The following JAKMIP1 variants were observed in gnomAD, a reference collection of about 807,000 sequenced individuals.
The protein encoded by JAKMIP1 is janus kinase and microtubule-interacting protein 1.
Under a neutral mutation model 113.0 loss-of-function variants are expected in JAKMIP1, and 33 were observed. The ratio of observed to expected loss-of-function variants is 0.29; its 90% CI spans 0.22 to 0.39. The LOEUF (loss-of-function observed/expected upper bound fraction) is 0.39, where lower values mean the gene tolerates loss of function less well. Among genes scored for constraint, JAKMIP1 ranks in the 10% least tolerant of loss-of-function variants. JAKMIP1 has a pLI of 1.00. For missense variants in JAKMIP1, 813 were observed against 1,080.5 expected (o/e 0.75, Z 3.47); for synonymous variants, 480 against 459.9 (o/e 1.04, Z -0.56).
In JAKMIP1 at chr4:6,105,550, G is replaced by A. The variant is rs1713777988; in HGVS notation, c.547C>T (p.Leu183=). 6.2e-7 allele frequency: 1 copy of A among 1,605,050 alleles called. No homozygotes were observed. ...TGGTGCGCCTGGTAGGCGGCACGCA[G>A]GTCGGCTGCCTTGGTCTTGTCAGCC... is the stretch of plus-strand genomic sequence containing the variant. The part of the protein sequence containing the change: ...MQADKTKAAD[L]RAAYQAHQDE... Residue 183 remains leucine, a synonymous_variant, in exon 3 of 21, where the codon CTG becomes TTG. Transcript: ENST00000409021.
At position 6,059,504 on chromosome 4, in the gene JAKMIP1, T is replaced by G. The variant is rs1181275751; in HGVS notation, c.1644+920A>C. The stretch of plus-strand genomic sequence containing the variant: ...CCTGGCCTCCTCAGCCCCCCATAGA[T>G]GCCTCTCTGCAGGCAGGGGTGGGGG... On this transcript the variant is annotated intron_variant, in intron 11 of 20. Coordinates refer to ENST00000409021, the MANE Select transcript of JAKMIP1 (RefSeq NM_001099433.2). This position sits in a 1 kb window ranked among gnomAD's most constrained non-coding sequence, Gnocchi z 4.8. Among the ~76,000 whole-genome samples, 1 of 152,108 alleles carries G rather than the reference T, an allele frequency of 6.6e-6. No individual in the cohort carries two copies. Among genetic ancestry groups the G allele is most frequent in the African/African-American group, 2.4e-5 (1 of 41,450 alleles).
At position 6,080,715 on chromosome 4, in the gene JAKMIP1, G is replaced by A. The variant is rs1008028630; in HGVS notation, c.1102-403C>T. ...CCTCCCCAGCCACGTGAAACTGTGA[G>A]TCCATTAAACCTCTTTTTCTTTACA... On this transcript the variant is annotated intron_variant, in intron 6 of 20. Coordinates refer to ENST00000409021, the MANE Select transcript of JAKMIP1 (RefSeq NM_001099433.2). The surrounding 1 kb of genome is among the most constrained non-coding windows in gnomAD (Gnocchi z 6.0). Among the ~76,000 whole-genome samples the A allele has an allele frequency of 6.6e-6, 1 of 152,108 alleles. No homozygotes were observed. Among genetic ancestry groups the A allele is most frequent in the Non-Finnish European group, 1.5e-5 (1 of 68,034 alleles).
chr4:6,140,007 G>C lies in JAKMIP1; in HGVS notation c.-147-27010C>G, dbSNP rs1719877495. Among the ~76,000 whole-genome samples, 1 of 152,086 alleles carries C rather than the reference G, an allele frequency of 6.6e-6. No homozygotes were observed. The highest frequency in any genetic ancestry group is 1.5e-5 in the Non-Finnish European group (1 of 68,020). On this transcript the variant is annotated intron_variant, in intron 1 of 20. Transcript: ENST00000409021. This position sits in a 1 kb window ranked among gnomAD's most constrained non-coding sequence, Gnocchi z 9.4. ...CCCACGCCTGGATCTCAGACTTCCA[G>C]CCTCCAGAACTAAGAGACCATCCGT...
At chr4:6,041,282 T>C (rs1714283498) in intron 17 of JAKMIP1, among the ~76,000 whole-genome samples, 1 of 152,142 alleles carries the variant, frequency 6.6e-6, no homozygotes, top group Admixed American at 6.5e-5. Flanking sequence ...GCCACTTCCT[T>C]TTATAGACAA....
At chr4:6,045,118 T>A (rs949916579) in intron 16 of JAKMIP1, among the ~76,000 whole-genome samples, 36 of 152,268 alleles carry the variant, frequency 2.4e-4, no homozygotes, top group African/African-American at 8.4e-4. Flanking sequence ...CCTTTGGGGA[T>A]GGTCCCAAGG....
chr4:6,058,794 C>T (rs1716837095), intron 11 of JAKMIP1, among the ~76,000 whole-genome samples: 2 of 152,124 alleles, frequency 1.3e-5, no homozygotes, highest in Non-Finnish European at 2.9e-5. Context: ...CCTTGCAGTG[C>T]CAAGGAATAA....
chr4:6,081,581 G>T lies in JAKMIP1; in HGVS notation c.1101+28C>A. Reference sequence around the variant, plus strand: ...TCCCAGACAGAGAAGGGAGTGTCAGGGCTGTCCCCAAGGGGTCCACAGCTC... The same window carrying T: ...TCCCAGACAGAGAAGGGAGTGTCAGTGCTGTCCCCAAGGGGTCCACAGCTC... On this transcript the variant is annotated intron_variant, in intron 6 of 20. Transcript: ENST00000409021. This position sits in a 1 kb window ranked among gnomAD's most constrained non-coding sequence, Gnocchi z 4.6. 1 of 1,613,328 alleles carries T rather than the reference G, an allele frequency of 6.2e-7. No homozygotes were observed. The highest frequency in any genetic ancestry group is 8.5e-7 in the Non-Finnish European group (1 of 1,179,554).
intron 1 of JAKMIP1, among the ~76,000 whole-genome samples, chr4:6,196,186 C>G (rs563693393): frequency 3.8e-4 from 58 of 152,326 alleles, no homozygotes; most frequent in Non-Finnish European, 7.1e-4. Flanking sequence ...CCTCTACTTT[C>G]CAGTATGAGG....
rs1276873989 is a variant in JAKMIP1, at chr4:6,059,057, C to CCAA, written c.1644+1364_1644+1366dup. On this transcript the variant is annotated intron_variant, in intron 11 of 20. Coordinates refer to ENST00000409021, the MANE Select transcript of JAKMIP1 (RefSeq NM_001099433.2). This position sits in a 1 kb window ranked among gnomAD's most constrained non-coding sequence, Gnocchi z 4.8. Reference sequence around the variant, plus strand: ...GGCACAAAGAGATTATGTTACTTGCCCAAGGTTATGCAACAAGGAAGTGGC... The same window carrying CCAA: ...GGCACAAAGAGATTATGTTACTTGCCCAACAAGGTTATGCAACAAGGAAGTGGC... Among the ~76,000 whole-genome samples, 5 of 152,150 alleles carry CCAA rather than the reference C, an allele frequency of 3.3e-5. No individual in the cohort carries two copies. The highest frequency in any genetic ancestry group is 7.4e-5 in the Non-Finnish European group (5 of 68,026).
rs201294087 is a variant in JAKMIP1 at position 6,054,297 on chromosome 4, C to T, written c.1708-149G>A. ...GAGGGCAGGGTTTGCAGCAAGCAAA[C>T]GAATGAGGTAGGTGCTGCAGGTCCT... On this transcript the variant is annotated intron_variant, in intron 12 of 20. Coordinates refer to ENST00000409021, the MANE Select transcript of JAKMIP1 (RefSeq NM_001099433.2). The T allele has an allele frequency of 5.3e-4, 387 of 725,662 alleles. 2 individuals are homozygous for T. The highest frequency in any genetic ancestry group is 2.7e-3 in the East Asian group (111 of 40,374). The allele number at this position is 725,662 out of a possible 1,614,324, so 45.0% of individuals were successfully genotyped here.
At chr4:6,098,075 G>A (rs1712133424) in intron 3 of JAKMIP1, among the ~76,000 whole-genome samples, 1 of 152,164 alleles carries the variant, frequency 6.6e-6, no homozygotes, top group Non-Finnish European at 1.5e-5. Context: ...GGTTTAACAA[G>A]GTGCTGTCCA....
In JAKMIP1 at chr4:6,081,427, C is replaced by T. The variant is rs146824929; in HGVS notation, c.1101+182G>A. On this transcript the variant is annotated intron_variant, in intron 6 of 20. Transcript: ENST00000409021. This position sits in a 1 kb window ranked among gnomAD's most constrained non-coding sequence, Gnocchi z 4.6. The stretch of plus-strand genomic sequence containing the variant: ...CCTCTGGGCACAAACACCCACAGCA[C>T]AGTGAATGTGAGACAGGTGGAGAGA... Among the ~76,000 whole-genome samples the T allele has an allele frequency of 3.4e-3, 511 of 152,306 alleles. 2 individuals are homozygous for T. The highest frequency in any genetic ancestry group is 0.014 in the Middle Eastern group (4 of 294).
At chr4:6,107,081 TACTC>T (rs770743791) in intron 2 of JAKMIP1, among the ~76,000 whole-genome samples, 25 of 152,162 alleles carry the variant, frequency 1.6e-4, no homozygotes, top group African/African-American at 5.6e-4. Flanking sequence ...TTTCACCAGA[TACTC>T]ACAATCATAG....
At position 6,137,017 on chromosome 4, in the gene JAKMIP1, A is replaced by G. The variant is rs1331052785; in HGVS notation, c.-147-24020T>C. 6.6e-6 allele frequency among the ~76,000 whole-genome samples: 1 copy of G among 152,066 alleles called. No individual in the cohort carries two copies. The highest frequency in any genetic ancestry group is 1.5e-5 in the Non-Finnish European group (1 of 68,002). On this transcript the variant is annotated intron_variant, in intron 1 of 20. Coordinates refer to ENST00000409021, the MANE Select transcript of JAKMIP1 (RefSeq NM_001099433.2). The surrounding 1 kb of genome is among the most constrained non-coding windows in gnomAD (Gnocchi z 4.5). ...CCAGGCCCCTGGGACTCTGCAGCCT[A>G]TTCCCTCCAGTCCTCCTCTGCACCA... is the stretch of plus-strand genomic sequence containing the variant.
At chr4:6,096,202 A>T (rs943643254) in intron 3 of JAKMIP1, among the ~76,000 whole-genome samples, 1 of 151,824 alleles carries the variant, frequency 6.6e-6, no homozygotes, top group Admixed American at 6.6e-5. Context: ...CCCTACCTTT[A>T]AAAAAAAATC....
At chr4:6,046,887 C>T (rs1251819198) in intron 16 of JAKMIP1, among the ~76,000 whole-genome samples, 7 of 152,288 alleles carry the variant, frequency 4.6e-5, no homozygotes, top group South Asian at 2.1e-4. Flanking sequence ...TGCCAGCTGG[C>T]GCCCTGGCCC....
At position 6,065,070 on chromosome 4, in the gene JAKMIP1, CT is replaced by C; in HGVS notation, c.1303-63del. 6.2e-7 allele frequency: 1 copy of C among 1,605,070 alleles called. No homozygotes were observed. The highest frequency in any genetic ancestry group is 8.5e-7 in the Non-Finnish European group (1 of 1,174,476). On this transcript the variant is annotated intron_variant, in intron 8 of 20. Coordinates refer to ENST00000409021, the MANE Select transcript of JAKMIP1 (RefSeq NM_001099433.2). The surrounding 1 kb of genome is among the most constrained non-coding windows in gnomAD (Gnocchi z 5.1). ...GAGGATTGCCAGAGTCTACCAGTCC[CT>C]GGTCGTGGGCATGCCAGTGCAGGGG...
Position 6,081,014 on chromosome 4 carries a change from C to CACA in JAKMIP1, c.1101+594_1101+595insTGT, listed in dbSNP as rs1553821445. ...ACACACACACACACACACACACACA[C>CACA]CTGCATCTGCTACAGTGCAGACAGC... On this transcript the variant is annotated intron_variant, in intron 6 of 20. Transcript: ENST00000409021. This position sits in a 1 kb window ranked among gnomAD's most constrained non-coding sequence, Gnocchi z 4.6. Among the ~76,000 whole-genome samples the CACA allele has an allele frequency of 6.6e-6, 1 of 151,236 alleles. No homozygotes were observed. The highest frequency in any genetic ancestry group is 1.5e-5 in the Non-Finnish European group (1 of 67,774).
At position 6,036,019 on chromosome 4, in the gene JAKMIP1, C is replaced by T. The variant is rs769907991; in HGVS notation, c.2264G>A (p.Arg755Gln). The T allele has an allele frequency of 7.7e-6, 12 of 1,552,446 alleles. No homozygotes were observed. Among genetic ancestry groups the T allele is most frequent in the South Asian group, 3.6e-5 (3 of 84,116 alleles). The stretch of plus-strand genomic sequence containing the variant: ...TTCCACAGCAGCCTGCAGGTCCTCC[C>T]GCTGGCCCTCGCTCAGCGCCTCACC... ...RAGEALSEGQ[R>Q]EDLQAAVEKV... Residue 755 changes from arginine to glutamine, a missense_variant, in exon 19 of 21, where the codon CGG becomes CAG. Arg to Gln is a conservative substitution (Grantham distance 43, BLOSUM62 1). This residue lies in a region of JAKMIP1 where 273 missense variants were observed against 426.6 expected (regional missense o/e 0.64). Transcript: ENST00000409021.
Sources: allele counts gnomAD v4.1 joint callset (sites outside exome capture counted in the v4.1 genomes callset), GRCh38; gene constraint gnomAD v4.1.1; regional missense constraint gnomAD v4.1.1; non-coding constraint Gnocchi (gnomAD v3.1); transcripts MANE v1.5; gene names NCBI Gene and HGNC (gene_info 2026-07-23, HGNC 2026-07-21).